The following TUSC3 variants were observed in gnomAD, a reference collection of about 807,000 sequenced individuals.
TUSC3 encodes dolichyl-diphosphooligosaccharide--protein glycosyltransferase subunit TUSC3.
Under a neutral mutation model 44.8 loss-of-function variants are expected in TUSC3, and 45 were observed. The ratio of observed to expected loss-of-function variants is 1.00; its 90% CI spans 0.79 to 1.29. The LOEUF is 1.29. Ranked by LOEUF, TUSC3 falls within the 50% of genes most tolerant of loss-of-function variation. The probability of loss-of-function intolerance (pLI) is 0.00; values close to 1 mark genes in which losing one functional copy is unlikely to be tolerated. For synonymous variants in TUSC3, 212 were observed against 152.9 expected, an observed-to-expected ratio of 1.39 and a Z score of -2.85; for missense variants, 519 against 437.9, an observed-to-expected ratio of 1.19 and a Z score of -1.65.
chr8:15,474,884 C>G (rs944306853), intron 1 of TUSC3, among the ~76,000 whole-genome samples: 1 of 152,340 alleles, frequency 6.6e-6, no homozygotes, highest in Non-Finnish European at 1.5e-5. Context: ...AGCCTCCTAA[C>G]AACCAGCATT....
the TUSC3 span, among the ~76,000 whole-genome samples, chr8:15,822,223 T>C: frequency 6.6e-6 from 1 of 152,166 alleles, no homozygotes; most frequent in Non-Finnish European, 1.5e-5. Flanking sequence ...AGCTTTGACA[T>C]GTAATGGTTG....
chr8:15,469,183 ACTT>A (rs1473001064), intron 1 of TUSC3, among the ~76,000 whole-genome samples: 4 of 152,234 alleles, frequency 2.6e-5, no homozygotes, highest in Admixed American at 1.3e-4. Context: ...TTAAAATTAA[ACTT>A]CTTCTCTGTG....
intron 6 of TUSC3, among the ~76,000 whole-genome samples, chr8:15,723,735 A>G (rs1420972311): frequency 6.6e-6 from 1 of 152,150 alleles, no homozygotes; most frequent in Admixed American, 6.6e-5. Context: ...TTGTGCAATG[A>G]CAGTGATGAC....
chr8:15,574,781 A>G (rs954895103), intron 1 of TUSC3, among the ~76,000 whole-genome samples: 4 of 152,182 alleles, frequency 2.6e-5, no homozygotes, highest in African/African-American at 9.6e-5. Flanking sequence ...ATTTTAAGCT[A>G]GATGTTACTC....
intron 5 of TUSC3, among the ~76,000 whole-genome samples, chr8:15,668,816 A>T (rs754017817): frequency 1.3e-5 from 2 of 151,730 alleles, no homozygotes; most frequent in Non-Finnish European, 3.0e-5. Flanking sequence ...AGAACCATTT[A>T]TGATGCTGTA....
intron 1 of TUSC3, among the ~76,000 whole-genome samples, chr8:15,549,021 T>C (rs2129135793): frequency 6.6e-6 from 1 of 151,728 alleles, no homozygotes; most frequent in South Asian, 2.1e-4. Flanking sequence ...AATGTGTGAA[T>C]CAAAAAAATT....
intron 2 of TUSC3, among the ~76,000 whole-genome samples, chr8:15,504,617 ATATATTTTTTT>A (rs1801026114): frequency 1.7e-4 from 3 of 17,376 alleles, no homozygotes; most frequent in African/African-American, 7.0e-4. Flanking sequence ...ATATATATAT[ATATATTTTTTT>A]TTTTTTTTTT....
intron 1 of TUSC3, among the ~76,000 whole-genome samples, chr8:15,547,879 A>G (rs1801927302): frequency 6.6e-6 from 1 of 151,816 alleles, no homozygotes; most frequent in African/African-American, 2.4e-5. Context: ...CAAACTTGGT[A>G]GGTATCTTTA....
At chr8:15,564,867 T>C (rs1802607232) in intron 1 of TUSC3, among the ~76,000 whole-genome samples, 1 of 152,110 alleles carries the variant, frequency 6.6e-6, no homozygotes, top group African/African-American at 2.4e-5. Context: ...TGGTTCTGTG[T>C]TAGTGTGTCC....
chr8:15,842,306 C>G, the TUSC3 span, among the ~76,000 whole-genome samples: 1 of 152,178 alleles, frequency 6.6e-6, no homozygotes, highest in Admixed American at 6.5e-5. Flanking sequence ...CTTAGCAGTT[C>G]TGACCGCCAG....
chr8:15,820,802 T>C, the TUSC3 span, among the ~76,000 whole-genome samples: 1 of 152,230 alleles, frequency 6.6e-6, no homozygotes. Context: ...GGAAAGGCTT[T>C]AGATAACAAA....
the TUSC3 span, among the ~76,000 whole-genome samples, chr8:15,775,040 A>G: frequency 4.6e-3 from 696 of 152,300 alleles, 7 homozygotes; most frequent in South Asian, 0.025. Flanking sequence ...ACTATTCACA[A>G]TTGCCAACAG....
intron 2 of TUSC3, among the ~76,000 whole-genome samples, chr8:15,497,672 A>G (rs566823195): frequency 1.3e-5 from 2 of 152,242 alleles, no homozygotes; most frequent in African/African-American, 4.8e-5. Flanking sequence ...AGATTGTGTA[A>G]TAGCTGGAAG....
At chr8:15,807,244 T>C in the TUSC3 span, 1 of 645,912 alleles carries the variant, frequency 1.5e-6, no homozygotes, top group African/African-American at 1.8e-5. Context: ...CCCCAGGCAT[T>C]ATGCTCTTCC....
chr8:15,711,845 T>C (rs576123275), intron 6 of TUSC3, among the ~76,000 whole-genome samples: 6 of 152,028 alleles, frequency 3.9e-5, no homozygotes, highest in African/African-American at 1.4e-4. Flanking sequence ...TTTCAGAGTA[T>C]ATTTTAAAAT....
chr8:15,517,542 A>AAAAAAAAAAAAC, intron 2 of TUSC3, among the ~76,000 whole-genome samples: 1 of 100,658 alleles, frequency 9.9e-6, no homozygotes, highest in African/African-American at 2.8e-5. Flanking sequence ...AAAAAAAAAA[A>AAAAAAAAAAAAC]AAAAAAAAAA....
intron 1 of TUSC3, among the ~76,000 whole-genome samples, chr8:15,599,362 C>G (rs12549277): frequency 6.6e-6 from 1 of 151,416 alleles, no homozygotes; most frequent in Non-Finnish European, 1.5e-5. Context: ...CAAATATTTT[C>G]TCCCAGTTTG....
intron 1 of TUSC3, among the ~76,000 whole-genome samples, chr8:15,584,995 A>T (rs1049159201): frequency 6.6e-6 from 1 of 152,336 alleles, no homozygotes; most frequent in East Asian, 1.9e-4. Context: ...TATTAAAAAG[A>T]TAACCTTTAC....
intron 5 of TUSC3, among the ~76,000 whole-genome samples, chr8:15,666,337 C>A (rs1458241840): frequency 6.6e-6 from 1 of 151,494 alleles, no homozygotes; most frequent in Non-Finnish European, 1.5e-5. Flanking sequence ...CTTATTATCA[C>A]AGTAAATCAC....
Sources: gnomAD v4.1 joint callset for allele counts (sites outside exome capture counted in the v4.1 genomes callset) on GRCh38, gnomAD v4.1.1 for gene constraint, MANE v1.5 for transcripts, NCBI Gene and HGNC (gene_info 2026-07-23, HGNC 2026-07-21) for gene names.